The following NRIP1 variants were observed in gnomAD, a reference collection of about 807,000 sequenced individuals.
NRIP1 encodes the protein nuclear receptor-interacting protein 1.
A neutral mutation model predicts 75.0 loss-of-function variants in NRIP1; 28 were observed. That is an observed-to-expected ratio of 0.37 (90% CI 0.28 to 0.51). The LOEUF (loss-of-function observed/expected upper bound fraction) is 0.51, where lower values mean the gene tolerates loss of function less well. NRIP1 is among the 20% of genes least tolerant of loss of function. NRIP1 has a pLI of 0.92. For missense variants in NRIP1, 1,435 were observed against 1,343.7 expected (o/e 1.07, Z -1.06); for synonymous variants, 526 against 487.6 (o/e 1.08, Z -1.04).
chr21:15,001,026 T>C (rs1015156562), intron 3 of NRIP1, among the ~76,000 whole-genome samples: 1 of 152,196 alleles, frequency 6.6e-6, no homozygotes. Context: ...TCTAGACCAA[T>C]GTCTATAGCT....
chr21:15,016,260 T>C (rs778571005), intron 2 of NRIP1, among the ~76,000 whole-genome samples: 8 of 152,198 alleles, frequency 5.3e-5, no homozygotes, highest in Non-Finnish European at 1.0e-4. Flanking sequence ...ATAGGAATTC[T>C]AAGAAGAGTA....
chr21:15,029,669 T>G (rs2088598294), intron 2 of NRIP1, among the ~76,000 whole-genome samples: 1 of 152,080 alleles, frequency 6.6e-6, no homozygotes, highest in African/African-American at 2.4e-5. Flanking sequence ...TAAATATGAC[T>G]GGGTAGGGTG....
chr21:15,048,931 T>C (rs1390457302), intron 1 of NRIP1, among the ~76,000 whole-genome samples: 8 of 152,176 alleles, frequency 5.3e-5, no homozygotes. Context: ...TCAACAGGTG[T>C]AGACATCTCC....
intron 1 of NRIP1, among the ~76,000 whole-genome samples, chr21:15,046,613 A>C (rs932995756): frequency 1.6e-4 from 24 of 152,206 alleles, no homozygotes; most frequent in South Asian, 8.3e-4. Context: ...CAAGAAAGTC[A>C]GTTTGTCCTT....
At chr21:14,985,917 T>C (rs1261844264) in intron 3 of NRIP1, among the ~76,000 whole-genome samples, 1 of 152,214 alleles carries the variant, frequency 6.6e-6, no homozygotes, top group Non-Finnish European at 1.5e-5. Context: ...CATCAAAAGA[T>C]TTAGTCTCTA....
intron 2 of NRIP1, among the ~76,000 whole-genome samples, chr21:15,016,700 A>G (rs1309996167): frequency 6.6e-6 from 1 of 152,016 alleles, no homozygotes; most frequent in Admixed American, 6.6e-5. Flanking sequence ...CTGGCTAACA[A>G]GGTAAAACCC....
intron 3 of NRIP1, among the ~76,000 whole-genome samples, chr21:15,000,672 A>G (rs1315440463): frequency 6.6e-6 from 1 of 152,160 alleles, no homozygotes; most frequent in Non-Finnish European, 1.5e-5. Context: ...GAACATGTTT[A>G]ATTCTGAAAA....
At chr21:14,969,849 G>A (rs981995510) in intron 3 of NRIP1, among the ~76,000 whole-genome samples, 7 of 152,152 alleles carry the variant, frequency 4.6e-5, no homozygotes, top group Non-Finnish European at 1.0e-4. Flanking sequence ...ATACAGAAAG[G>A]AGGCAGCAAC....
At chr21:15,005,756 T>G (rs1246933038) in intron 3 of NRIP1, among the ~76,000 whole-genome samples, 1 of 152,156 alleles carries the variant, frequency 6.6e-6, no homozygotes, top group Non-Finnish European at 1.5e-5. Context: ...CCACCAGCAT[T>G]CTGGAGAGAG....
chr21:15,008,356 C>CT (rs147111105), intron 3 of NRIP1, among the ~76,000 whole-genome samples: 3,934 of 152,182 alleles, frequency 0.026, 196 homozygotes, highest in African/African-American at 0.091. Context: ...TTTTGTGAAA[C>CT]TTTTTTAAAC....
chr21:15,033,203 C>T (rs547171102), intron 2 of NRIP1, among the ~76,000 whole-genome samples: 1 of 137,188 alleles, frequency 7.3e-6, no homozygotes, highest in East Asian at 2.1e-4. Flanking sequence ...CCAGCTTGGG[C>T]GACAGAGCGA....
Position 14,966,265 on chromosome 21 carries a change from A to G in NRIP1, c.1928T>C (p.Met643Thr), listed in dbSNP as rs1475210481. 1 of 1,614,096 alleles carries G rather than the reference A, an allele frequency of 6.2e-7. No homozygotes were observed. Among genetic ancestry groups the G allele is most frequent in the East Asian group, 2.2e-5 (1 of 44,882 alleles). ...NLAQCGMQSSMSVEEQRPSKQ... is the reference protein window; with the variant it reads ...NLAQCGMQSSTSVEEQRPSKQ... ...GCTGGGTCTCTGCTCTTCCACTGAC[A>G]TGGATGACTGCATTCCACATTGTGC... is the stretch of plus-strand genomic sequence containing the variant. The change falls in exon 4 of 4, where the codon ATG becomes ACG. Residue 643 changes from methionine to threonine, a missense_variant. Transcript: ENST00000318948.
At chr21:15,002,875 C>G (rs960142508) in intron 3 of NRIP1, among the ~76,000 whole-genome samples, 1 of 152,010 alleles carries the variant, frequency 6.6e-6, no homozygotes, top group African/African-American at 2.4e-5. Flanking sequence ...TGTGCATTAC[C>G]AGTAATAAGA....
chr21:15,020,767 G>A (rs2088354353), intron 2 of NRIP1, among the ~76,000 whole-genome samples: 1 of 152,014 alleles, frequency 6.6e-6, no homozygotes, highest in South Asian at 2.1e-4. Flanking sequence ...AAGAAGACAT[G>A]TGAATGTTTG....
chr21:15,043,990 T>C (rs1019524167), intron 1 of NRIP1, among the ~76,000 whole-genome samples: 5 of 152,230 alleles, frequency 3.3e-5, no homozygotes, highest in Middle Eastern at 3.4e-3. Context: ...GGCTAGTTTT[T>C]GTATTTTTAG....
At chr21:15,050,271 C>A in intron 1 of NRIP1, 1 of 170,748 alleles carries the variant, frequency 5.9e-6, no homozygotes, top group Non-Finnish European at 1.3e-5. Context: ...ATGTTCTTGG[C>A]TACATTTCTA....
At chr21:14,994,296 T>G (rs908148204) in intron 3 of NRIP1, among the ~76,000 whole-genome samples, 2 of 152,178 alleles carry the variant, frequency 1.3e-5, no homozygotes, top group Admixed American at 6.5e-5. Context: ...GGCTAATTTT[T>G]GTATTTTTAG....
At chr21:15,063,459 G>A (rs1568742577) in intron 1 of NRIP1, among the ~76,000 whole-genome samples, 1 of 152,132 alleles carries the variant, frequency 6.6e-6, no homozygotes, top group Non-Finnish European at 1.5e-5. Flanking sequence ...ACTGAATAAT[G>A]CCACCCACTT....
upstream of NRIP1, chr21:15,065,735 C>T (rs1978832718): frequency 6.6e-6 from 1 of 152,362 alleles, no homozygotes; most frequent in Non-Finnish European, 1.5e-5. Context: ...CTGAGGAGCG[C>T]CCCGCTCAGC....
Sources: gnomAD v4.1 joint callset for allele counts (sites outside exome capture counted in the v4.1 genomes callset) on GRCh38, gnomAD v4.1.1 for gene constraint, MANE v1.5 for transcripts, NCBI Gene and HGNC (gene_info 2026-07-23, HGNC 2026-07-21) for gene names.